The following EVL variants were observed in gnomAD, a reference collection of about 807,000 sequenced individuals.
EVL encodes Enah/Vasp-like, also known as ena/VASP-like protein.
EVL carries 21 observed loss-of-function variants against 59.6 expected under a neutral mutation model. That is an observed-to-expected ratio of 0.35 (90% CI 0.25 to 0.51). The LOEUF (loss-of-function observed/expected upper bound fraction) is 0.51. Among genes scored for constraint, EVL ranks in the 20% least tolerant of loss-of-function variants. The pLI is 0.97. For synonymous variants in EVL, 198 were observed against 203.5 expected, an observed-to-expected ratio of 0.97 and a Z score of 0.23; for missense variants, 462 against 546.6, an observed-to-expected ratio of 0.85 and a Z score of 1.54.
At chr14:100,039,280 A>G (rs2061432766) in intron 1 of EVL, among the ~76,000 whole-genome samples, 1 of 152,240 alleles carries the variant, frequency 6.6e-6, no homozygotes, top group Non-Finnish European at 1.5e-5. Flanking sequence ...CTTGTTCCCC[A>G]TGCTGGAGTG....
At chr14:99,989,745 G>A (rs2060863471) in intron 1 of EVL, among the ~76,000 whole-genome samples, 1 of 152,214 alleles carries the variant, frequency 6.6e-6, no homozygotes, top group South Asian at 2.1e-4. Context: ...CTAATAGACA[G>A]TGCTGGTCTA....
At chr14:100,134,273 C>T (rs988053722) in intron 8 of EVL, among the ~76,000 whole-genome samples, 4 of 152,188 alleles carry the variant, frequency 2.6e-5, no homozygotes, top group South Asian at 2.1e-4. Flanking sequence ...CTGAAGACAT[C>T]GCTGGCCTTT....
At chr14:100,024,113 C>A (rs2061172025) in intron 1 of EVL, among the ~76,000 whole-genome samples, 1 of 152,142 alleles carries the variant, frequency 6.6e-6, no homozygotes, top group South Asian at 2.1e-4. Flanking sequence ...TTGTTAGTCA[C>A]GTGAAAATGG....
intron 1 of EVL, among the ~76,000 whole-genome samples, chr14:100,014,457 A>C (rs1208382099): frequency 6.6e-6 from 1 of 152,208 alleles, no homozygotes; most frequent in African/African-American, 2.4e-5. Flanking sequence ...TGCAGATGAC[A>C]GGACTCATTG....
At chr14:100,137,497 C>T (rs886525636) in intron 9 of EVL, 81 bp from the exon 10 acceptor site, 17 of 1,461,372 alleles carry the variant, frequency 1.2e-5, no homozygotes, top group Non-Finnish European at 1.6e-5. Context: ...TGAGGGCTTC[C>T]TGTTGGGGTG....
intron 3 of EVL, among the ~76,000 whole-genome samples, chr14:100,104,132 T>C (rs1886409149): frequency 6.6e-6 from 1 of 152,176 alleles, no homozygotes; most frequent in Non-Finnish European, 1.5e-5. Context: ...TGGTAAATAG[T>C]TGCTGTCTTT....
chr14:100,028,017 T>C (rs1450088187), intron 1 of EVL, among the ~76,000 whole-genome samples: 1 of 152,206 alleles, frequency 6.6e-6, no homozygotes, highest in African/African-American at 2.4e-5. Context: ...TGCAGTAAGC[T>C]TGGGAGTAAA....
rs150014487 is a variant in EVL at position 100,119,428 on chromosome 14, C to A, written c.359-4111C>A. On this transcript the variant is annotated intron_variant, in intron 3 of 13. Transcript: ENST00000392920. ...ACAAACCCTGTGGCTCTGGGCAAGT[C>A]CCCTCACCCCTGAGAACCACCACCA... Among the ~76,000 whole-genome samples the A allele has an allele frequency of 3.5e-3, 538 of 152,286 alleles. 3 individuals are homozygous for A. Among genetic ancestry groups the A allele is most frequent in the Non-Finnish European group, 5.5e-3 (374 of 68,024 alleles).
At chr14:100,120,803 A>G (rs950561267) in intron 3 of EVL, among the ~76,000 whole-genome samples, 2 of 152,180 alleles carry the variant, frequency 1.3e-5, no homozygotes, top group Non-Finnish European at 2.9e-5. Context: ...TGTTTCCCAG[A>G]CATCACTTAG....
intron 1 of EVL, among the ~76,000 whole-genome samples, chr14:100,070,549 C>T (rs1256412008): frequency 6.6e-6 from 1 of 152,244 alleles, no homozygotes; most frequent in Non-Finnish European, 1.5e-5. Context: ...CTTGTCGATG[C>T]TCTGTCGGCT....
intron 8 of EVL, among the ~76,000 whole-genome samples, chr14:100,133,560 C>T (rs1449477616): frequency 1.3e-5 from 2 of 152,224 alleles, no homozygotes; most frequent in African/African-American, 2.4e-5. Context: ...CTCTCAGCCC[C>T]GTCCTGGGCA....
At chr14:100,119,178 G>C (rs1322146348) in intron 3 of EVL, among the ~76,000 whole-genome samples, 1 of 152,214 alleles carries the variant, frequency 6.6e-6, no homozygotes, top group Admixed American at 6.5e-5. Context: ...TCATTTGTCT[G>C]TGGCATGATG....
chr14:100,141,670 C>A, intron 12 of EVL, 66 bp from the exon 13 acceptor site: 1 of 1,545,502 alleles, frequency 6.5e-7, no homozygotes, highest in Non-Finnish European at 8.9e-7. Flanking sequence ...TGGACATGGC[C>A]CAGCCCAGGC....
upstream of EVL, among the ~76,000 whole-genome samples, chr14:100,063,393 G>A (rs1224803769): frequency 3.3e-5 from 5 of 152,180 alleles, no homozygotes; most frequent in Non-Finnish European, 2.9e-5. Context: ...GACCTATGTG[G>A]AACTTCTGAT....
At chr14:100,030,094 CTTTT>C (rs57192659) in intron 1 of EVL, among the ~76,000 whole-genome samples, 1 of 140,022 alleles carries the variant, frequency 7.1e-6, no homozygotes, top group Non-Finnish European at 1.5e-5. Flanking sequence ...ATGAGATTAC[CTTTT>C]TTTTTTTTTT....
chr14:100,121,773 T>C (rs1217002663), intron 3 of EVL, among the ~76,000 whole-genome samples: 12 of 151,916 alleles, frequency 7.9e-5, no homozygotes, highest in Non-Finnish European at 1.8e-4. Context: ...GCCATCGGGG[T>C]CCTGACAAGG....
intron 3 of EVL, among the ~76,000 whole-genome samples, chr14:100,098,564 A>G (rs1885980165): frequency 6.6e-6 from 1 of 152,268 alleles, no homozygotes; most frequent in South Asian, 2.1e-4. Flanking sequence ...GTTTCTCAGC[A>G]GGACAGTTAA....
In EVL at chr14:100,005,893, G is replaced by A. The variant is rs1387645850; in HGVS notation, c.5+33836G>A. Among the ~76,000 whole-genome samples, 6 of 151,912 alleles carry A rather than the reference G, an allele frequency of 3.9e-5. No individual in the cohort carries two copies. In the East Asian group the frequency reaches 7.7e-4, roughly 20 times the overall value. On this transcript the variant is annotated intron_variant, in intron 1 of 13. Transcript: ENST00000402714. ...TAGCTATGGAACTGCAGCATGGGGC[G>A]ACAGCCATCACTCTTTTGGTTTGGC... is the stretch of plus-strand genomic sequence containing the variant.
intron 1 of EVL, among the ~76,000 whole-genome samples, chr14:99,992,328 C>G (rs909030499): frequency 1.3e-5 from 2 of 151,776 alleles, no homozygotes; most frequent in Admixed American, 6.6e-5. Flanking sequence ...CTATAGGAGT[C>G]CCTTATATAT....
Sources: allele counts gnomAD v4.1 joint callset (sites outside exome capture counted in the v4.1 genomes callset), GRCh38; gene constraint gnomAD v4.1.1; transcripts MANE v1.5; gene names NCBI Gene and HGNC (gene_info 2026-07-23, HGNC 2026-07-21).